The following LIMK1 variants were observed in gnomAD, a reference collection of about 807,000 sequenced individuals.
LIMK1 encodes the protein LIM motif-containing protein kinase.
Under a neutral mutation model 77.6 loss-of-function variants are expected in LIMK1, and 21 were observed. The ratio of observed to expected loss-of-function variants is 0.27; its 90% confidence interval spans 0.19 to 0.39. The LOEUF is 0.39. LIMK1 is among the 10% of genes least tolerant of loss of function. LIMK1 has a pLI of 1.00. For synonymous variants in LIMK1, 358 were observed against 370.0 expected, an observed-to-expected ratio of 0.97 and a Z score of 0.37; for missense variants, 696 against 901.6, an observed-to-expected ratio of 0.77 and a Z score of 2.92.
intron 4 of LIMK1, among the ~76,000 whole-genome samples, chr7:74,097,456 C>T (rs1455588034): frequency 6.6e-6 from 1 of 152,246 alleles, no homozygotes; most frequent in Non-Finnish European, 1.5e-5. Flanking sequence ...TGGGTGGATC[C>T]CTTGAGGCTA....
At chr7:74,089,376 C>G (rs1445889380) in intron 2 of LIMK1, among the ~76,000 whole-genome samples, 1 of 152,122 alleles carries the variant, frequency 6.6e-6, no homozygotes, top group Non-Finnish European at 1.5e-5. Context: ...GTGGTGGTGC[C>G]TGTAGTCCCA....
intron 5 of LIMK1, among the ~76,000 whole-genome samples, chr7:74,100,920 G>T (rs947019689): frequency 1.3e-5 from 2 of 150,646 alleles, no homozygotes; most frequent in Non-Finnish European, 2.9e-5. Flanking sequence ...TTTATATTTA[G>T]TAGAGACAGG....
intron 5 of LIMK1, 133 bp from the exon 6 acceptor site, chr7:74,105,742 A>G: frequency 3.2e-6 from 2 of 624,526 alleles, no homozygotes; most frequent in Non-Finnish European, 5.7e-6. Context: ...TGTTCTGGCC[A>G]TCTGCTACTT....
At position 74,106,742 on chromosome 7, in the gene LIMK1, A is replaced by AC. The variant is rs574839979; in HGVS notation, c.882-268_882-267insC. 3.4e-3 allele frequency among the ~76,000 whole-genome samples: 515 copies of AC among 152,270 alleles called. 1 individual carries two copies. The highest frequency in any genetic ancestry group is 5.9e-3 in the Non-Finnish European group (401 of 68,018). On this transcript the variant is annotated intron_variant, in intron 7 of 15. Transcript: ENST00000336180. ...GCCACTATACTCCAGCCTGGGCAAC[A>AC]GTGTGAGACTCTGTCTCAAAAAAAA...
chr7:74,114,039 T>C (rs1554699000), intron 12 of LIMK1, among the ~76,000 whole-genome samples: 2 of 151,832 alleles, frequency 1.3e-5, no homozygotes, highest in African/African-American at 4.8e-5. Context: ...TCACTTGAGG[T>C]CAGGAGTTCA....
intron 1 of LIMK1, among the ~76,000 whole-genome samples, chr7:74,085,222 C>T (rs1799112638): frequency 6.6e-6 from 1 of 152,222 alleles, no homozygotes; most frequent in East Asian, 1.9e-4. Context: ...CCTTGCCAAG[C>T]CAGGGCATTC....
At chr7:74,107,253 C>T in intron 8 of LIMK1, 60 bp downstream of exon 8, 1 of 1,500,878 alleles carries the variant, frequency 6.7e-7, no homozygotes, top group Non-Finnish European at 8.9e-7. Flanking sequence ...ATCCTCCTTC[C>T]TTCCCAGTCT....
chr7:74,091,090 G>T (rs1013362922), intron 2 of LIMK1, among the ~76,000 whole-genome samples: 4 of 151,484 alleles, frequency 2.6e-5, no homozygotes, highest in South Asian at 4.2e-4. Context: ...ATTTTTTTTT[G>T]TTTGTTTGTA....
Position 74,105,945 on chromosome 7 carries a change from A to C in LIMK1, c.679A>C (p.Asn227His). The change falls in exon 6 of 16, where the codon AAT becomes CAT. Residue 227 changes from asparagine (N) to histidine (H), a missense_variant. Physicochemically the swap from Asn to His is moderately conservative, Grantham distance 68 (BLOSUM62 1). Transcript: ENST00000336180. The part of the protein sequence containing the change: ...IHVGDRILEI[N>H]GTPIRNVPLD... ...CGTCGGAGACCGGATCTTGGAAATC[A>C]ATGGCACGCCCATCCGAAATGTGCC... is the stretch of plus-strand genomic sequence containing the variant. 1.2e-6 allele frequency: 2 copies of C among 1,614,090 alleles called. No individual in the cohort carries two copies. Among genetic ancestry groups the C allele is most frequent in the Non-Finnish European group, 1.7e-6 (2 of 1,180,014 alleles).
chr7:74,112,517 G>A (rs536184592), intron 12 of LIMK1, among the ~76,000 whole-genome samples: 9 of 151,938 alleles, frequency 5.9e-5, no homozygotes, highest in South Asian at 4.2e-4. Context: ...TCAGGAGATC[G>A]AGACCGTCCT....
rs782027635 is a variant in LIMK1 at position 74,121,179 on chromosome 7, C to T, written c.1822C>T (p.Arg608Cys). Reference protein sequence around the residue: ...VKLEHWLETLRMHLAGHLPLG... With the variant: ...VKLEHWLETLCMHLAGHLPLG... ...GCTGGAACACTGGCTGGAGACCCTCCGCATGCACCTGGCCGGCCACCTGCC... is the reference window on the plus strand; with the variant it reads ...GCTGGAACACTGGCTGGAGACCCTCTGCATGCACCTGGCCGGCCACCTGCC... The change falls in exon 16 of 16, where the codon CGC becomes TGC. Residue 608 changes from arginine to cysteine, a missense_variant. Around this residue, in one of 3 missense-constraint regions of LIMK1, gnomAD observed 438 missense variants for 602.3 expected, o/e 0.73. Coordinates refer to ENST00000336180, the MANE Select transcript of LIMK1 (RefSeq NM_002314.4). The T allele has an allele frequency of 1.1e-5, 17 of 1,613,464 alleles. No individual in the cohort carries two copies. Among genetic ancestry groups the T allele is most frequent in the African/African-American group, 6.7e-5 (5 of 74,880 alleles).
At chr7:74,101,028 C>T (rs576660971) in intron 5 of LIMK1, among the ~76,000 whole-genome samples, 28 of 146,798 alleles carry the variant, frequency 1.9e-4, no homozygotes, top group African/African-American at 6.8e-4. Context: ...TGAGCCACCA[C>T]GCCCGGCCCT....
At chr7:74,105,817 T>C (rs1799557648) in intron 5 of LIMK1, 58 bp from the exon 6 acceptor site, 1 of 1,323,862 alleles carries the variant, frequency 7.6e-7, no homozygotes, top group Admixed American at 1.8e-5. Context: ...CGCCTTGGTT[T>C]CCTGTTGGGG....
intron 2 of LIMK1, chr7:74,093,367 CTGGA>C (rs1799276437): frequency 1.3e-6 from 2 of 1,522,540 alleles, no homozygotes; most frequent in African/African-American, 2.7e-5. Context: ...AGGCCTGGGG[CTGGA>C]AGCCGACCCA....
Position 74,096,715 on chromosome 7 carries a change from G to T in LIMK1, c.246G>T (p.Glu82Asp). The change falls in exon 3 of 16, where the codon GAG (glutamate) becomes GAT (aspartate). Residue 82 changes from glutamate (E) to aspartate (D), a missense_variant. By Grantham distance (45) the Glu-to-Asp change is conservative. Around this residue, in one of 3 missense-constraint regions of LIMK1, gnomAD observed 252 missense variants for 279.4 expected, o/e 0.90. Transcript: ENST00000336180. ...AGGACTACTGGGCCCGCTATGGCGA[G>T]TCCTGCCATGGGTGCTCTGAGCAAA... Reference protein sequence around the residue: ...CKKDYWARYGESCHGCSEQIT... With the variant: ...CKKDYWARYGDSCHGCSEQIT... The T allele has an allele frequency of 6.2e-7, 1 of 1,613,608 alleles. No individual in the cohort carries two copies. Among genetic ancestry groups the T allele is most frequent in the Non-Finnish European group, 8.5e-7 (1 of 1,179,728 alleles).
chr7:74,089,236 C>T (rs1234113530), intron 2 of LIMK1, among the ~76,000 whole-genome samples: 1 of 151,666 alleles, frequency 6.6e-6, no homozygotes, highest in Non-Finnish European at 1.5e-5. Context: ...CAGGGGCTGG[C>T]GGTGGCACAT....
intron 4 of LIMK1, among the ~76,000 whole-genome samples, chr7:74,098,260 C>G (rs1400289372): frequency 6.6e-6 from 1 of 152,156 alleles, no homozygotes; most frequent in East Asian, 1.9e-4. Context: ...CTGAGGGGCT[C>G]ATGAATAACA....
At chr7:74,107,577 G>T (rs895562040) in intron 8 of LIMK1, among the ~76,000 whole-genome samples, 6 of 151,960 alleles carry the variant, frequency 3.9e-5, no homozygotes, top group African/African-American at 1.2e-4. Context: ...CAGCTACTTG[G>T]GAGGCTTAGG....
intron 4 of LIMK1, among the ~76,000 whole-genome samples, chr7:74,098,388 C>A (rs1229614581): frequency 6.6e-6 from 1 of 152,130 alleles, no homozygotes; most frequent in Non-Finnish European, 1.5e-5. Context: ...TGGCTTGATC[C>A]CAGATGGGCT....
Sources: gnomAD v4.1 joint callset for allele counts (sites outside exome capture counted in the v4.1 genomes callset) on GRCh38, gnomAD v4.1.1 for gene constraint, gnomAD v4.1.1 regional missense constraint, MANE v1.5 for transcripts, NCBI Gene and HGNC (gene_info 2026-07-23, HGNC 2026-07-21) for gene names.